TF: variants seen among roughly 807,000 people sequenced by gnomAD.
TF encodes the protein transferrin.
In TF, 55 loss-of-function variants were observed where a neutral mutation model predicts 82.4. That is an observed-to-expected ratio of 0.67 (90% confidence interval 0.54 to 0.84). TF has a LOEUF of 0.84. Among genes scored for constraint, TF ranks in the 40% least tolerant of loss-of-function variants. The pLI, the probability that TF is intolerant of heterozygous loss-of-function variation, is 0.00. For synonymous variants in TF, 332 were observed against 332.6 expected (o/e 1.00, Z 0.02); for missense variants, 737 against 868.4 (o/e 0.85, Z 1.90).
chr3:133,755,586 TGCCTACAGGGGCATCGAGGTG>T (rs1183460627), intron 5 of TF, 91 bp downstream of exon 5: 1 of 1,572,822 alleles, frequency 6.4e-7, no homozygotes, highest in African/African-American at 1.3e-5. Context: ...GAGCCCTGCC[TGCCTACAGGGGCATCGAGGTG>T]GCCTAATCCC....
the TF span, among the ~76,000 whole-genome samples, chr3:133,668,911 A>G: frequency 1.3e-5 from 2 of 152,206 alleles, no homozygotes; most frequent in African/African-American, 2.4e-5. Flanking sequence ...TAGTTTCCTC[A>G]GGGGAATTAA....
chr3:133,793,525 A>T lies in TF; in HGVS notation c.*14905A>T, dbSNP rs746279102. 6.6e-6 allele frequency: 1 copy of T among 152,190 alleles called. No individual in the cohort carries two copies. Among genetic ancestry groups the T allele is most frequent in the Admixed American group, 6.5e-5 (1 of 15,286 alleles). 9.4% of individuals were successfully genotyped at this position (152,190 alleles called of 1,614,324 possible). ...AAAAAAATTTAATCTTCTTCAGGTT[A>T]TATTTTAGTGAATAATATTAATATA... is the stretch of plus-strand genomic sequence containing the variant. On this transcript the variant is annotated 3_prime_UTR_variant, in exon 17 of 17. Coordinates refer to ENST00000402696, the MANE Select transcript of TF (RefSeq NM_001063.4).
At chr3:133,702,758 G>A in the TF span, among the ~76,000 whole-genome samples, 1 of 152,046 alleles carries the variant, frequency 6.6e-6, no homozygotes, top group Admixed American at 6.5e-5. Flanking sequence ...ATGAAAATTT[G>A]ACAAACTTAG....
rs1179534657 is a variant in TF, at chr3:133,788,841, A to T, written c.*10221A>T. On this transcript the variant is annotated 3_prime_UTR_variant, in exon 17 of 17. Coordinates refer to ENST00000402696, the MANE Select transcript of TF (RefSeq NM_001063.4). ...ACTTGCATGTGTTTCAGGCGACGGA[A>T]ACCCTACTTGACTGGCTAAGGACAA... The T allele has an allele frequency of 6.6e-6, 1 of 152,240 alleles. No individual in the cohort carries two copies. Among genetic ancestry groups the T allele is most frequent in the East Asian group, 1.9e-4 (1 of 5,198 alleles). The allele number at this position is 152,240 out of a possible 1,614,324, so 9.4% of individuals were successfully genotyped here.
upstream of TF, among the ~76,000 whole-genome samples, chr3:133,741,423 T>G (rs1041204878): frequency 6.6e-6 from 1 of 152,216 alleles, no homozygotes; most frequent in Non-Finnish European, 1.5e-5. Context: ...TTTTCTTGCC[T>G]GACTAAACTA....
chr3:133,674,949 T>C, the TF span, among the ~76,000 whole-genome samples: 1 of 151,958 alleles, frequency 6.6e-6, no homozygotes, highest in South Asian at 2.1e-4. Context: ...CATCTTTAAA[T>C]GGTTGAAAGG....
At chr3:133,705,779 A>G in the TF span, among the ~76,000 whole-genome samples, 20 of 152,296 alleles carry the variant, frequency 1.3e-4, no homozygotes, top group African/African-American at 4.8e-4. Flanking sequence ...ATGGAAGGTG[A>G]GTTAGAATCA....
At chr3:133,745,321 A>C (rs1261362811), upstream of TF, among the ~76,000 whole-genome samples, 1 of 152,224 alleles carries the variant, frequency 6.6e-6, no homozygotes, top group Non-Finnish European at 1.5e-5. Flanking sequence ...CTGGATTTAC[A>C]CTTCGTGGAA....
chr3:133,665,209 G>A, the TF span, among the ~76,000 whole-genome samples: 1 of 152,146 alleles, frequency 6.6e-6, no homozygotes, highest in Admixed American at 6.5e-5. Context: ...GCTCACATCT[G>A]TAATCCTAGT....
rs1029096794 is a variant in TF, at chr3:133,790,414, A to G, written c.*11794A>G. 1 of 152,236 alleles carries G rather than the reference A, an allele frequency of 6.6e-6. No individual in the cohort carries two copies. The highest frequency in any genetic ancestry group is 1.5e-5 in the Non-Finnish European group (1 of 68,032). 9.4% of individuals were successfully genotyped at this position (152,236 alleles called of 1,614,324 possible). Reference sequence around the variant, plus strand: ...AAAGTTTGTGTTATTAGTGAGAAAAAGAATAATTTAGAAGTTATCTAAAAG... The same window carrying G: ...AAAGTTTGTGTTATTAGTGAGAAAAGGAATAATTTAGAAGTTATCTAAAAG... On this transcript the variant is annotated 3_prime_UTR_variant, in exon 17 of 17. Transcript: ENST00000402696.
Position 133,769,606 on chromosome 3 carries a change from G to A in TF, c.1623-902G>A, listed in dbSNP as rs149717603. ...CAATATGTGGCACAATAGGTACCCC[G>A]TCTTCTCAGCTAGCTACCCCCAAAA... is the stretch of plus-strand genomic sequence containing the variant. On this transcript the variant is annotated intron_variant, in intron 13 of 16. Coordinates refer to ENST00000402696, the MANE Select transcript of TF (RefSeq NM_001063.4). 3.6e-3 allele frequency among the ~76,000 whole-genome samples: 548 copies of A among 152,252 alleles called. 5 individuals carry two copies. Among genetic ancestry groups the A allele is most frequent in the African/African-American group, 0.012 (488 of 41,544 alleles).
At chr3:133,690,715 T>C in the TF span, among the ~76,000 whole-genome samples, 3 of 152,188 alleles carry the variant, frequency 2.0e-5, no homozygotes, top group African/African-American at 7.2e-5. Context: ...TCTTTTTGCA[T>C]CTGTTATTGG....
chr3:133,714,352 A>G, the TF span, among the ~76,000 whole-genome samples: 2 of 152,220 alleles, frequency 1.3e-5, no homozygotes, highest in South Asian at 2.1e-4. Flanking sequence ...ATGAGGCTCT[A>G]GAAAGTTCTC....
intron 4 of TF, 37 bp from the exon 5 acceptor site, chr3:133,755,326 A>C: frequency 1.9e-6 from 3 of 1,613,854 alleles, no homozygotes; most frequent in Non-Finnish European, 2.5e-6. Context: ...GGCCAGCCTC[A>C]CTCATGCTCT....
chr3:133,677,452 G>C, the TF span, among the ~76,000 whole-genome samples: 1 of 152,216 alleles, frequency 6.6e-6, no homozygotes, highest in East Asian at 1.9e-4. Context: ...GCCTGGCCAA[G>C]ATGGTGAAAC....
At chr3:133,679,442 A>G in the TF span, among the ~76,000 whole-genome samples, 3 of 152,220 alleles carry the variant, frequency 2.0e-5, no homozygotes, top group African/African-American at 7.2e-5. Flanking sequence ...TATCACCAAG[A>G]TAAATGACAT....
At chr3:133,729,075 C>T in the TF span, among the ~76,000 whole-genome samples, 1 of 152,136 alleles carries the variant, frequency 6.6e-6, no homozygotes, top group Non-Finnish European at 1.5e-5. Flanking sequence ...CTGGGGGGTG[C>T]CTCCCAGTTA....
chr3:133,723,794 C>A, the TF span, among the ~76,000 whole-genome samples: 2 of 151,850 alleles, frequency 1.3e-5, no homozygotes, highest in East Asian at 3.9e-4. Context: ...TCTCCTAATG[C>A]TATCCCTCCC....
At chr3:133,684,668 C>T in the TF span, among the ~76,000 whole-genome samples, 5 of 152,016 alleles carry the variant, frequency 3.3e-5, no homozygotes, top group Admixed American at 2.6e-4. Flanking sequence ...AAGTTGAATC[C>T]CTGAATAGAC....
Sources: allele counts gnomAD v4.1 joint callset (sites outside exome capture counted in the v4.1 genomes callset), GRCh38; gene constraint gnomAD v4.1.1; transcripts MANE v1.5; gene names NCBI Gene and HGNC (gene_info 2026-07-23, HGNC 2026-07-21).